LNX1: variants seen among roughly 807,000 people sequenced by gnomAD.
The protein encoded by LNX1 is ligand of numb-protein X 1.
LNX1 carries 54 observed loss-of-function variants against 68.4 expected under a neutral mutation model. The ratio of observed to expected loss-of-function variants is 0.79; its 90% CI spans 0.63 to 0.99. LNX1 has a LOEUF of 0.99. Ranked by LOEUF, LNX1 falls within the 50% of genes least tolerant of loss-of-function variation. LNX1 has a pLI of 0.00. For synonymous variants in LNX1, 336 were observed against 350.0 expected, an observed-to-expected ratio of 0.96 and a Z score of 0.45; for missense variants, 906 against 926.4, an observed-to-expected ratio of 0.98 and a Z score of 0.29.
At chr4:53,635,699 G>A (rs1276552930) in intron 1 of LNX1, among the ~76,000 whole-genome samples, 1 of 152,088 alleles carries the variant, frequency 6.6e-6, no homozygotes, top group Admixed American at 6.6e-5. Flanking sequence ...ATACAAAACA[G>A]GAAGAAACAA....
intron 2 of LNX1, among the ~76,000 whole-genome samples, chr4:53,613,160 C>T (rs1185423334): frequency 6.7e-6 from 1 of 150,372 alleles, no homozygotes; most frequent in Admixed American, 6.7e-5. Flanking sequence ...GAAGAGGAAG[C>T]ACCAAGCCAA....
At position 53,460,854 on chromosome 4, in the gene LNX1, A is replaced by AACTT; in HGVS notation, c.*49_*52dup. 1 of 1,494,248 alleles carries AACTT rather than the reference A, an allele frequency of 6.7e-7. No homozygotes were observed. The highest frequency in any genetic ancestry group is 9.1e-7 in the Non-Finnish European group (1 of 1,096,736). 92.6% of individuals were successfully genotyped at this position (1,494,248 alleles called of 1,614,324 possible). A position where few individuals can be genotyped will look rare whatever the true frequency, so the allele number is the denominator to read the frequency against. Reference sequence around the variant, plus strand: ...ACTGACAAGATAAATATAGTGTTTCAACTTCTTAGCCTATTTGTGATTTTT... The same window carrying AACTT: ...ACTGACAAGATAAATATAGTGTTTCAACTTACTTCTTAGCCTATTTGTGATTTTT... On this transcript the variant is annotated 3_prime_UTR_variant, in exon 11 of 11. Transcript: ENST00000263925.
chr4:53,503,993 G>C (rs1453642561), intron 4 of LNX1, among the ~76,000 whole-genome samples: 3 of 152,170 alleles, frequency 2.0e-5, no homozygotes, highest in Non-Finnish European at 4.4e-5. Flanking sequence ...AAATTAGCCA[G>C]GCATAGTGGT....
At chr4:53,536,692 G>A (rs967148268) in intron 2 of LNX1, among the ~76,000 whole-genome samples, 1 of 152,120 alleles carries the variant, frequency 6.6e-6, no homozygotes, top group African/African-American at 2.4e-5. Flanking sequence ...TGCTTTAAAT[G>A]CCTCTAAAGA....
Position 53,633,891 on chromosome 4 carries a change from G to A in LNX1, c.-215+18277C>T, listed in dbSNP as rs76360996. Among the ~76,000 whole-genome samples, 242 of 152,242 alleles carry A rather than the reference G, an allele frequency of 1.6e-3. 5 individuals are homozygous for A. In the East Asian group the frequency reaches 0.031, roughly 20 times the overall value. On this transcript the variant is annotated intron_variant, in intron 1 of 2. Transcript: ENST00000507168. ...TGTTTCTGCATCACCAGAAAAGCCC[G>A]ACAGTGAAATGTGTGCCAGCTACTT...
chr4:53,463,778 AATAAGTATGCTGAAGTCTTGAGCTGCTC>A (rs1233872947), intron 9 of LNX1, among the ~76,000 whole-genome samples: 2 of 152,068 alleles, frequency 1.3e-5, no homozygotes, highest in African/African-American at 4.8e-5. Context: ...GAAATGAGTT[AATAAGTATGCTGAAGTCTTGAGCTGCTC>A]AAGAAGCTAA....
At chr4:53,551,371 G>T (rs58697948) in intron 2 of LNX1, among the ~76,000 whole-genome samples, 4,222 of 152,186 alleles carry the variant, frequency 0.028, 204 homozygotes, top group African/African-American at 0.097. Context: ...CCAGGGCCAG[G>T]CAGTTTCCCA....
At chr4:53,463,037 T>C (rs1722298802) in intron 9 of LNX1, among the ~76,000 whole-genome samples, 2 of 152,230 alleles carry the variant, frequency 1.3e-5, no homozygotes, top group South Asian at 4.1e-4. Flanking sequence ...AGGTAAGAAT[T>C]AGATGATTGT....
chr4:53,607,076 C>G (rs1437819227), intron 2 of LNX1, among the ~76,000 whole-genome samples: 1 of 152,196 alleles, frequency 6.6e-6, no homozygotes, highest in Non-Finnish European at 1.5e-5. Flanking sequence ...CTCACCACTC[C>G]TATTCAACAC....
chr4:53,651,980 T>A lies in LNX1; in HGVS notation c.-215+188A>T, dbSNP rs371467050. Among the ~76,000 whole-genome samples, 3 of 151,990 alleles carry A rather than the reference T, an allele frequency of 2.0e-5. No individual in the cohort carries two copies. In the South Asian group the frequency reaches 6.3e-4, roughly 32 times the overall value. ...GTGTTTTGAAAAAGATACCTAGATA[T>A]TTCCATCTTTTAGACTCTCCTCAAT... On this transcript the variant is annotated intron_variant, in intron 1 of 2. Transcript: ENST00000507168.
At chr4:53,615,506 C>A (rs1449720661) in intron 2 of LNX1, among the ~76,000 whole-genome samples, 1 of 152,214 alleles carries the variant, frequency 6.6e-6, no homozygotes, top group African/African-American at 2.4e-5. Flanking sequence ...AAGACTGAGG[C>A]TCTAGCCAAT....
chr4:53,589,535 A>C (rs1732377155), intron 1 of LNX1, among the ~76,000 whole-genome samples: 1 of 152,242 alleles, frequency 6.6e-6, no homozygotes, highest in Non-Finnish European at 1.5e-5. Context: ...ACCAGTTAAC[A>C]CCAGGCATTG....
At chr4:53,504,347 T>G (rs1304718028) in intron 4 of LNX1, among the ~76,000 whole-genome samples, 5 of 152,260 alleles carry the variant, frequency 3.3e-5, no homozygotes, top group Non-Finnish European at 7.3e-5. Flanking sequence ...AACCAATCTC[T>G]GCTAGCTTCC....
Position 53,478,592 on chromosome 4 carries a change from T to C in LNX1, c.1636A>G (p.Ile546Val), listed in dbSNP as rs182623370. 82 of 1,613,358 alleles carry C rather than the reference T, an allele frequency of 5.1e-5. No individual in the cohort carries two copies. In the East Asian group the frequency reaches 1.3e-3, roughly 26 times the overall value. ...GTTTTTATTCTTCCATCTCTGCTTA[T>C]GACTCCTCCGGGCTCAACACTGATG... ...YVISVEPGGVISRDGRIKTGD... is the reference protein window; with the variant it reads ...YVISVEPGGVVSRDGRIKTGD... Residue 546 changes from isoleucine to valine, a missense_variant, in exon 8 of 11, where the codon ATA (isoleucine) becomes GTA (valine). By Grantham distance (29) the Ile-to-Val change is conservative. Transcript: ENST00000263925.
intron 6 of LNX1, among the ~76,000 whole-genome samples, chr4:53,489,169 C>T (rs1224872965): frequency 6.6e-6 from 1 of 151,996 alleles, no homozygotes; most frequent in Non-Finnish European, 1.5e-5. Context: ...GTGGTAGCTC[C>T]TTCAATGAGC....
chr4:53,466,617 G>C (rs1722704566), intron 9 of LNX1, among the ~76,000 whole-genome samples: 2 of 152,172 alleles, frequency 1.3e-5, no homozygotes, highest in Non-Finnish European at 2.9e-5. Flanking sequence ...ACGGCACCTG[G>C]AAAATCGGGT....
At chr4:53,584,778 A>C (rs1732062042) in intron 1 of LNX1, among the ~76,000 whole-genome samples, 1 of 152,218 alleles carries the variant, frequency 6.6e-6, no homozygotes, top group African/African-American at 2.4e-5. Flanking sequence ...TCCCTACAGC[A>C]CCTACCAGCT....
chr4:53,487,021 G>A (rs1221264640), intron 6 of LNX1, among the ~76,000 whole-genome samples: 3 of 152,202 alleles, frequency 2.0e-5, no homozygotes, highest in Non-Finnish European at 4.4e-5. Context: ...TGCCAAGCAA[G>A]CATCTTCCTT....
At position 53,492,506 on chromosome 4, in the gene LNX1, TGAGAGA is replaced by T. The variant is rs58715153; in HGVS notation, c.1350+3511_1350+3516del. Among the ~76,000 whole-genome samples, 549 of 88,994 alleles carry T rather than the reference TGAGAGA, an allele frequency of 6.2e-3. 5 individuals are homozygous for T. Among genetic ancestry groups the T allele is most frequent in the South Asian group, 0.011 (26 of 2,408 alleles). The allele number at this position is 88,994 out of a possible 152,430, so 58.4% of individuals were successfully genotyped here. A position where few individuals can be genotyped will look rare whatever the true frequency, so the allele number is the denominator to read the frequency against. On this transcript the variant is annotated intron_variant, in intron 6 of 10. Coordinates refer to ENST00000263925, the MANE Select transcript of LNX1 (RefSeq NM_001126328.3). ...TGTCTCAGGAGGCCTCAGAGGGCTC[TGAGAGA>T]GAGAGAGAGAGAGAGAGAGAGAGAG... is the stretch of plus-strand genomic sequence containing the variant.
Sources: gnomAD v4.1 joint callset for allele counts (sites outside exome capture counted in the v4.1 genomes callset) on GRCh38, gnomAD v4.1.1 for gene constraint, MANE v1.5 for transcripts, NCBI Gene and HGNC (gene_info 2026-07-23, HGNC 2026-07-21) for gene names.